The following SMC1A variants were observed in gnomAD, a reference collection of about 807,000 sequenced individuals.
SMC1A encodes structural maintenance of chromosomes 1A.
SMC1A carries 4 observed loss-of-function variants against 94.5 expected under a neutral mutation model. The ratio of observed to expected loss-of-function variants is 0.04; its 90% CI spans 0.02 to 0.10. The LOEUF (loss-of-function observed/expected upper bound fraction) is 0.10. SMC1A is among the 10% of genes least tolerant of loss of function. The pLI is 1.00. For missense variants in SMC1A, 304 were observed against 989.0 expected (o/e 0.31, Z 9.29); for synonymous variants, 345 against 347.7 (o/e 0.99, Z 0.09).
intron 19 of SMC1A, 33 bp downstream of exon 19, chrX:53,394,745 C>T (rs1253791780): frequency 1.6e-6 from 1 of 617,693 alleles, no homozygotes; most frequent in Admixed American, 2.5e-5. Flanking sequence ...ACCCAACCCC[C>T]ACCCCCACCA....
chrX:53,419,319 G>A (rs1296960873), intron 1 of SMC1A, among the ~76,000 whole-genome samples: 1 of 109,992 alleles, frequency 9.1e-6, no homozygotes, highest in Non-Finnish European at 1.9e-5. Flanking sequence ...TTGACCTCGG[G>A]AGTTTGAGAC....
chrX:53,414,561 G>T (rs1424273197), intron 3 of SMC1A, among the ~76,000 whole-genome samples, 197 bp downstream of exon 3: 5 of 111,933 alleles, frequency 4.5e-5, no homozygotes, highest in African/African-American at 1.6e-4. Flanking sequence ...GGAAAAAAGG[G>T]AGGGGAAACA....
intron 19 of SMC1A, among the ~76,000 whole-genome samples, chrX:53,387,188 C>T (rs1194250293): frequency 3.6e-5 from 4 of 111,165 alleles, no homozygotes; most frequent in South Asian, 3.7e-4. Context: ...GTAGAGATGG[C>T]GTTTCACCAT....
rs781796695 is a variant in SMC1A, at chrX:53,374,310, T to C, written c.*5793A>G. On this transcript the variant is annotated 3_prime_UTR_variant, in exon 25 of 25. Transcript: ENST00000322213. ...TCACCCCCTCAGCTGCAGGCATCTG[T>C]TGCTCCCTTCTCTAGTGCTTCCCAA... is the stretch of plus-strand genomic sequence containing the variant. The C allele has an allele frequency of 8.9e-6, 1 of 111,796 alleles. No homozygotes were observed. Among genetic ancestry groups the C allele is most frequent in the Non-Finnish European group, 1.9e-5 (1 of 53,130 alleles). 9.2% of individuals were successfully genotyped at this position (111,796 alleles called of 1,213,427 possible). A position where few individuals can be genotyped will look rare whatever the true frequency, so the allele number is the denominator to read the frequency against.
chrX:53,389,137 G>A (rs2075617322), intron 19 of SMC1A, among the ~76,000 whole-genome samples: 1 of 105,974 alleles, frequency 9.4e-6, no homozygotes, highest in South Asian at 4.2e-4. Context: ...TTTTTGGTCG[G>A]GGGGGTGAAG....
At chrX:53,392,609 G>A (rs1361379236) in intron 19 of SMC1A, among the ~76,000 whole-genome samples, 1 of 110,318 alleles carries the variant, frequency 9.1e-6, no homozygotes, top group Non-Finnish European at 1.9e-5. Flanking sequence ...CACCATGCCC[G>A]GCTAATTTTT....
intron 19 of SMC1A, 134 bp from the exon 20 acceptor site, chrX:53,383,387 G>T (rs1204620038): frequency 3.5e-6 from 2 of 573,045 alleles, no homozygotes; most frequent in Non-Finnish European, 5.6e-6. Flanking sequence ...CTCCAGCTCG[G>T]TTCCTTCCAC....
chrX:53,417,626 C>A (rs1484458899), intron 1 of SMC1A, among the ~76,000 whole-genome samples: 1 of 109,030 alleles, frequency 9.2e-6, no homozygotes, highest in Non-Finnish European at 1.9e-5. Context: ...GTAAACAGTG[C>A]ACAAACTTTG....
At chrX:53,422,393 G>T in intron 1 of SMC1A, 99 bp downstream of exon 1, 1 of 610,635 alleles carries the variant, frequency 1.6e-6, no homozygotes, top group East Asian at 3.3e-5. Flanking sequence ...GTAAGGGTCC[G>T]CGACGTTTCA....
At chrX:53,410,120 G>A (rs2075705415) in intron 7 of SMC1A, among the ~76,000 whole-genome samples, 1 of 111,301 alleles carries the variant, frequency 9.0e-6, no homozygotes, top group Non-Finnish European at 1.9e-5. Flanking sequence ...ATTGATATCA[G>A]GGAGGCAGTA....
At chrX:53,394,746 A>ACCC in intron 19 of SMC1A, 32 bp downstream of exon 19, 2 of 215,458 alleles carry the variant, frequency 9.3e-6, no homozygotes, top group Non-Finnish European at 1.7e-5. Context: ...CCCAACCCCC[A>ACCC]CCCCCACCAC....
intron 1 of SMC1A, chrX:53,422,061 T>C (rs971823209): frequency 5.8e-5 from 70 of 1,197,826 alleles, no homozygotes; most frequent in Non-Finnish European, 7.3e-5. Flanking sequence ...AGTGCACCGT[T>C]TGGGACCGAA....
intron 1 of SMC1A, among the ~76,000 whole-genome samples, chrX:53,418,722 C>T (rs1275903063): frequency 8.9e-6 from 1 of 112,030 alleles, no homozygotes; most frequent in African/African-American, 3.2e-5. Context: ...CATGAGCCAC[C>T]GTTCCTGGCC....
chrX:53,383,764 T>C (rs782344157), intron 19 of SMC1A, among the ~76,000 whole-genome samples: 7 of 112,729 alleles, frequency 6.2e-5, no homozygotes, highest in Non-Finnish European at 1.3e-4. Flanking sequence ...TTTCTGCCAC[T>C]TTCAGTCAAT....
intron 1 of SMC1A, chrX:53,421,770 G>C: frequency 4.0e-6 from 3 of 755,168 alleles, no homozygotes; most frequent in Non-Finnish European, 5.8e-6. Context: ...ATTCTCCGCT[G>C]TTTCCACAAC....
At chrX:53,400,676 T>C (rs782057052) in intron 15 of SMC1A, among the ~76,000 whole-genome samples, 1 of 111,136 alleles carries the variant, frequency 9.0e-6, no homozygotes, top group African/African-American at 3.3e-5. Context: ...TTCCTGCTAT[T>C]GTCCTCCTCT....
intron 16 of SMC1A, among the ~76,000 whole-genome samples, chrX:53,398,101 C>T (rs1460833895): frequency 6.6e-5 from 7 of 106,363 alleles, no homozygotes; most frequent in Non-Finnish European, 9.7e-5. Flanking sequence ...CAGGAGTTAT[C>T]GCTTGAACCT....
chrX:53,383,360 G>A, intron 19 of SMC1A, 107 bp from the exon 20 acceptor site: 1 of 764,225 alleles, frequency 1.3e-6, no homozygotes, highest in Non-Finnish European at 1.9e-6. Context: ...CTCCTATACG[G>A]AGGGCAGGTT....
At chrX:53,418,702 G>A (rs782404314) in intron 1 of SMC1A, among the ~76,000 whole-genome samples, 100 of 112,146 alleles carry the variant, frequency 8.9e-4, no homozygotes, top group Middle Eastern at 9.3e-3. Flanking sequence ...CAAAGTGCTG[G>A]GGTTACAGGC....
Sources: gnomAD v4.1 joint callset for allele counts (sites outside exome capture counted in the v4.1 genomes callset) on GRCh38, gnomAD v4.1.1 for gene constraint, MANE v1.5 for transcripts, NCBI Gene and HGNC (gene_info 2026-07-23, HGNC 2026-07-21) for gene names.